Variants in HACD2 observed in about 807,000 individuals in gnomAD.
HACD2 encodes very-long-chain (3R)-3-hydroxyacyl-CoA dehydratase 2.
In HACD2, 15 loss-of-function variants were observed where a neutral mutation model predicts 31.0. The observed-to-expected ratio is 0.48, with a 90% CI of 0.32 to 0.75. HACD2 has a LOEUF of 0.75. Among genes scored for constraint, HACD2 ranks in the 30% least tolerant of loss-of-function variants. HACD2 has a pLI of 0.03. For missense variants in HACD2, 283 were observed against 313.0 expected, an observed-to-expected ratio of 0.90 and a Z score of 0.72; for synonymous variants, 115 against 122.2, an observed-to-expected ratio of 0.94 and a Z score of 0.39.
chr3:123,537,119 A>G (rs2056435913), intron 3 of HACD2, among the ~76,000 whole-genome samples: 1 of 152,246 alleles, frequency 6.6e-6, no homozygotes, highest in African/African-American at 2.4e-5. Context: ...TAATAAATTA[A>G]TAACAATTTA....
intron 1 of HACD2, among the ~76,000 whole-genome samples, chr3:123,583,663 G>GA (rs1484487061): frequency 1.3e-5 from 2 of 151,680 alleles, no homozygotes; most frequent in East Asian, 1.9e-4. Flanking sequence ...TCTTCTTCGT[G>GA]AAAAAAAAGC....
intron 2 of HACD2, among the ~76,000 whole-genome samples, chr3:123,579,150 T>C (rs561921828): frequency 6.6e-6 from 1 of 152,348 alleles, no homozygotes; most frequent in South Asian, 2.1e-4. Context: ...CCTAAATCCC[T>C]ATTAAAAATT....
rs879687770 is a variant in HACD2 at position 123,571,055 on chromosome 3, G to A, written c.274-3275C>T. Among the ~76,000 whole-genome samples, 80 of 152,082 alleles carry A rather than the reference G, an allele frequency of 5.3e-4. 1 individual carries two copies. The highest frequency in any genetic ancestry group is 5.9e-4 in the Admixed American group (9 of 15,258). On this transcript the variant is annotated intron_variant, in intron 2 of 6. Coordinates refer to ENST00000383657, the MANE Select transcript of HACD2 (RefSeq NM_198402.5). The stretch of plus-strand genomic sequence containing the variant: ...AATTTAATAATTGAAGTCTAAACAG[G>A]AATCTCAAAACTGATTTTCAATGAT...
rs77122461 is a variant in HACD2 at position 123,536,908 on chromosome 3, C to T, written c.293-8434G>A. Among the ~76,000 whole-genome samples, 50 of 152,208 alleles carry T rather than the reference C, an allele frequency of 3.3e-4. No individual in the cohort carries two copies. In the East Asian group the frequency reaches 6.0e-3, roughly 18 times the overall value. On this transcript the variant is annotated intron_variant, in intron 3 of 6. Transcript: ENST00000383657. ...CATCACCAAATGTGAAAGAACTTCA[C>T]GTATAATGCTTATGTGACCTTGAGA...
At chr3:123,501,190 A>G (rs1424309748) in intron 5 of HACD2, among the ~76,000 whole-genome samples, 2 of 152,254 alleles carry the variant, frequency 1.3e-5, no homozygotes, top group African/African-American at 4.8e-5. Context: ...AAATGTTTGT[A>G]CATGCTATTG....
Position 123,492,276 on chromosome 3 carries a change from C to T in HACD2, c.*2612G>A, listed in dbSNP as rs2055773591. ...CACGGAGGGATCTGAAATACATAATCAAGTGGGTAGTTGGGAGGATGATGC... is the reference window on the plus strand; with the variant it reads ...CACGGAGGGATCTGAAATACATAATTAAGTGGGTAGTTGGGAGGATGATGC... On this transcript the variant is annotated 3_prime_UTR_variant, in exon 7 of 7. Coordinates refer to ENST00000383657, the MANE Select transcript of HACD2 (RefSeq NM_198402.5). 1 of 152,218 alleles carries T rather than the reference C, an allele frequency of 6.6e-6. No individual in the cohort carries two copies. Among genetic ancestry groups the T allele is most frequent in the South Asian group, 2.1e-4 (1 of 4,832 alleles). 9.4% of individuals were successfully genotyped at this position (152,218 alleles called of 1,614,324 possible). A position where few individuals can be genotyped will look rare whatever the true frequency, so the allele number is the denominator to read the frequency against.
At chr3:123,579,190 A>C (rs2056938978) in intron 2 of HACD2, among the ~76,000 whole-genome samples, 1 of 152,212 alleles carries the variant, frequency 6.6e-6, no homozygotes. Context: ...AATCCTTCAA[A>C]GTCTAAGACT....
intron 4 of HACD2, among the ~76,000 whole-genome samples, chr3:123,526,372 A>G (rs2056283675): frequency 6.6e-6 from 1 of 152,254 alleles, no homozygotes. Flanking sequence ...CTAGGACAGC[A>G]GAAACGCTGA....
At chr3:123,563,827 T>C (rs1003001408) in intron 3 of HACD2, among the ~76,000 whole-genome samples, 1 of 152,110 alleles carries the variant, frequency 6.6e-6, no homozygotes, top group Admixed American at 6.5e-5. Context: ...AGCTGGAAGA[T>C]GGGAAGCAAA....
intron 3 of HACD2, among the ~76,000 whole-genome samples, chr3:123,562,269 G>A (rs925134559): frequency 3.3e-4 from 50 of 152,060 alleles, no homozygotes; most frequent in African/African-American, 1.1e-3. Context: ...GTTGAGGTGT[G>A]GGAACTCATT....
At chr3:123,500,249 T>C (rs2055885342) in intron 6 of HACD2, among the ~76,000 whole-genome samples, 2 of 152,192 alleles carry the variant, frequency 1.3e-5, no homozygotes. Flanking sequence ...CCCCAATACA[T>C]ACTTAACCTA....
At chr3:123,538,733 G>A (rs1225040603) in intron 3 of HACD2, among the ~76,000 whole-genome samples, 1 of 152,206 alleles carries the variant, frequency 6.6e-6, no homozygotes, top group African/African-American at 2.4e-5. Context: ...AGCATTTTAC[G>A]ATGTGAGTAT....
At chr3:123,544,336 C>G (rs1280212038) in intron 3 of HACD2, among the ~76,000 whole-genome samples, 1 of 152,188 alleles carries the variant, frequency 6.6e-6, no homozygotes, top group African/African-American at 2.4e-5. Flanking sequence ...TGGAATATAT[C>G]TGCAGCTTGA....
At chr3:123,565,574 C>G (rs1375796004) in intron 3 of HACD2, among the ~76,000 whole-genome samples, 1 of 152,178 alleles carries the variant, frequency 6.6e-6, no homozygotes, top group Non-Finnish European at 1.5e-5. Context: ...GCCCCCAGAA[C>G]TGTGAAAAAT....
In HACD2 at chr3:123,553,379, T is replaced by G. The variant is rs544125131; in HGVS notation, c.292+14383A>C. On this transcript the variant is annotated intron_variant, in intron 3 of 6. Transcript: ENST00000383657. Reference sequence around the variant, plus strand: ...AAAAGTCAACTAAGGATTTTGTATCTAGCAAATCAGTCCTTCAAATATCAA... The same window carrying G: ...AAAAGTCAACTAAGGATTTTGTATCGAGCAAATCAGTCCTTCAAATATCAA... Among the ~76,000 whole-genome samples, 9 of 152,362 alleles carry G rather than the reference T, an allele frequency of 5.9e-5. No homozygotes were observed. The East Asian group carries it at 1.7e-3, about 29-fold the overall frequency.
At chr3:123,521,704 A>G (rs924474879) in intron 4 of HACD2, among the ~76,000 whole-genome samples, 1 of 152,000 alleles carries the variant, frequency 6.6e-6, no homozygotes, top group Non-Finnish European at 1.5e-5. Flanking sequence ...GTGAGCCCAG[A>G]GCAGAAAAAG....
intron 3 of HACD2, among the ~76,000 whole-genome samples, chr3:123,565,514 C>T (rs772057980): frequency 1.1e-4 from 17 of 152,142 alleles, no homozygotes; most frequent in Non-Finnish European, 5.9e-5. Flanking sequence ...AGCAACAGGC[C>T]CTCACCAGAC....
intron 3 of HACD2, among the ~76,000 whole-genome samples, chr3:123,546,838 C>T (rs1236405000): frequency 6.6e-6 from 1 of 152,042 alleles, no homozygotes; most frequent in Admixed American, 6.6e-5. Context: ...TAAAAGAAGC[C>T]ATTTCAATTA....
At chr3:123,547,619 T>C (rs2056574509) in intron 3 of HACD2, among the ~76,000 whole-genome samples, 1 of 152,176 alleles carries the variant, frequency 6.6e-6, no homozygotes, top group Non-Finnish European at 1.5e-5. Context: ...AGGTGGAGTC[T>C]GCACTGAGAG....
Sources: gnomAD v4.1 joint callset for allele counts (sites outside exome capture counted in the v4.1 genomes callset) on GRCh38, gnomAD v4.1.1 for gene constraint, MANE v1.5 for transcripts, NCBI Gene and HGNC (gene_info 2026-07-23, HGNC 2026-07-21) for gene names.